JAKMIP2: variants seen among roughly 807,000 people sequenced by gnomAD.
JAKMIP2 encodes janus kinase and microtubule interacting protein 2, also known as janus kinase and microtubule-interacting protein 2.
In JAKMIP2, 25 loss-of-function variants were observed where a neutral mutation model predicts 115.0. That is an observed-to-expected ratio of 0.22 (90% CI 0.16 to 0.30). The LOEUF is 0.30. Ranked by LOEUF, JAKMIP2 falls within the 10% of genes least tolerant of loss-of-function variation. JAKMIP2 has a pLI of 1.00. For missense variants in JAKMIP2, 642 were observed against 957.6 expected (o/e 0.67, Z 4.35); for synonymous variants, 334 against 343.6 (o/e 0.97, Z 0.31).
At chr5:147,623,068 G>A (rs558787447) in intron 17 of JAKMIP2, among the ~76,000 whole-genome samples, 2 of 152,102 alleles carry the variant, frequency 1.3e-5, no homozygotes, top group African/African-American at 2.4e-5. Context: ...CCACAGGCAC[G>A]TACCACTATG....
chr5:147,680,879 C>G (rs1580771110), intron 1 of JAKMIP2, among the ~76,000 whole-genome samples: 1 of 152,104 alleles, frequency 6.6e-6, no homozygotes, highest in East Asian at 1.9e-4. Context: ...AAGTTTTAAT[C>G]CATTACATGT....
At chr5:147,623,850 T>C (rs1387423794) in intron 16 of JAKMIP2, among the ~76,000 whole-genome samples, 161 bp from the exon 17 acceptor site, 4 of 152,208 alleles carry the variant, frequency 2.6e-5, no homozygotes, top group Admixed American at 2.0e-4. Flanking sequence ...GTTTGTTTTG[T>C]TTTTGAAACG....
intron 1 of JAKMIP2, among the ~76,000 whole-genome samples, chr5:147,681,661 G>A (rs1760286870): frequency 6.6e-6 from 1 of 152,110 alleles, no homozygotes; most frequent in Admixed American, 6.6e-5. Flanking sequence ...GGAGGAATCA[G>A]CAATTTAATA....
rs2126701859 is a variant in JAKMIP2, at chr5:147,636,202, G to A, written c.1677+20C>T. 6.2e-7 allele frequency: 1 copy of A among 1,603,808 alleles called. No individual in the cohort carries two copies. Among genetic ancestry groups the A allele is most frequent in the Non-Finnish European group, 8.5e-7 (1 of 1,170,744 alleles). On this transcript the variant is annotated intron_variant, in intron 12 of 21. Coordinates refer to ENST00000616793, the MANE Select transcript of JAKMIP2 (RefSeq NM_001270941.2). Reference sequence around the variant, plus strand: ...CATGATTTTCTCCTCTGCCCCGCTAGGGTGTTGTGCCCAACATACCTTTTC... The same window carrying A: ...CATGATTTTCTCCTCTGCCCCGCTAAGGTGTTGTGCCCAACATACCTTTTC...
chr5:147,598,198 A>T (rs1392975574), intron 21 of JAKMIP2, among the ~76,000 whole-genome samples: 2 of 151,966 alleles, frequency 1.3e-5, no homozygotes, highest in African/African-American at 4.8e-5. Context: ...ACGCGGTTTC[A>T]CCATATTGGC....
chr5:147,640,208 CA>C (rs2126714799), intron 9 of JAKMIP2, among the ~76,000 whole-genome samples: 1 of 152,246 alleles, frequency 6.6e-6, no homozygotes, highest in Admixed American at 6.5e-5. Context: ...TCTTAAACTT[CA>C]GGACATAACA....
chr5:147,734,530 T>A (rs2126978084), intron 1 of JAKMIP2, among the ~76,000 whole-genome samples: 1 of 151,726 alleles, frequency 6.6e-6, no homozygotes, highest in African/African-American at 2.4e-5. Context: ...AGGGACAGCA[T>A]TAGGAGAAAT....
At chr5:147,628,892 T>G in intron 15 of JAKMIP2, 76 bp from the exon 16 acceptor site, 1 of 1,003,148 alleles carries the variant, frequency 1.0e-6, no homozygotes, top group South Asian at 1.3e-5. Flanking sequence ...TCTGACTGAC[T>G]GCTACAGAGC....
At chr5:147,733,191 G>T (rs2126974350) in intron 1 of JAKMIP2, among the ~76,000 whole-genome samples, 1 of 152,278 alleles carries the variant, frequency 6.6e-6, no homozygotes, top group Non-Finnish European at 1.5e-5. Context: ...ACAAAAAATA[G>T]ACAAAAATGT....
At chr5:147,625,488 G>A (rs1303475841) in intron 16 of JAKMIP2, among the ~76,000 whole-genome samples, 1 of 152,122 alleles carries the variant, frequency 6.6e-6, no homozygotes, top group African/African-American at 2.4e-5. Context: ...ACAAATTTCT[G>A]TCAATCATGG....
chr5:147,723,508 C>G (rs1753398554), intron 1 of JAKMIP2, among the ~76,000 whole-genome samples: 1 of 152,084 alleles, frequency 6.6e-6, no homozygotes, highest in South Asian at 2.1e-4. Flanking sequence ...AGATTGGTTA[C>G]TTTTCAAAGA....
At chr5:147,675,710 TGTTTTGTCTCTACTTA>T (rs1326573239) in intron 1 of JAKMIP2, among the ~76,000 whole-genome samples, 1 of 152,032 alleles carries the variant, frequency 6.6e-6, no homozygotes, top group African/African-American at 2.4e-5. Flanking sequence ...GTCTATTTAG[TGTTTTGTCTCTACTTA>T]GTTTTGTCTC....
intron 1 of JAKMIP2, among the ~76,000 whole-genome samples, chr5:147,750,989 A>C (rs1754531022): frequency 6.6e-6 from 1 of 152,168 alleles, no homozygotes; most frequent in South Asian, 2.1e-4. Flanking sequence ...CCCAAGTAGA[A>C]TCATCCACTA....
chr5:147,672,143 A>T (rs754305062), intron 1 of JAKMIP2, among the ~76,000 whole-genome samples, 189 bp from the exon 2 acceptor site: 5 of 152,062 alleles, frequency 3.3e-5, no homozygotes, highest in African/African-American at 4.8e-5. Flanking sequence ...AATTATATCA[A>T]TATCTTGCTT....
At chr5:147,679,286 C>T (rs1760137345) in intron 1 of JAKMIP2, among the ~76,000 whole-genome samples, 1 of 152,118 alleles carries the variant, frequency 6.6e-6, no homozygotes, top group African/African-American at 2.4e-5. Flanking sequence ...CAGCCTCCAA[C>T]TACATTTTCT....
At chr5:147,608,477 T>C (rs1756145510) in intron 20 of JAKMIP2, among the ~76,000 whole-genome samples, 1 of 152,200 alleles carries the variant, frequency 6.6e-6, no homozygotes, top group Non-Finnish European at 1.5e-5. Flanking sequence ...CATGTAGTTG[T>C]GTGGTTTTAA....
chr5:147,770,714 T>G (rs1051515826), intron 1 of JAKMIP2, among the ~76,000 whole-genome samples: 31 of 152,162 alleles, frequency 2.0e-4, no homozygotes, highest in Non-Finnish European at 8.8e-5. Context: ...AAGAAAATGT[T>G]TACAGTTTAA....
chr5:147,691,397 C>T (rs1188670473), intron 1 of JAKMIP2, among the ~76,000 whole-genome samples: 1 of 152,172 alleles, frequency 6.6e-6, no homozygotes, highest in African/African-American at 2.4e-5. Flanking sequence ...TTTGGATGAA[C>T]TATGCTAGGC....
chr5:147,690,087 C>T (rs1024706830), intron 1 of JAKMIP2, among the ~76,000 whole-genome samples: 1 of 152,134 alleles, frequency 6.6e-6, no homozygotes, highest in Non-Finnish European at 1.5e-5. Flanking sequence ...CAGTGGCTCA[C>T]ACCAGTAATC....
Sources: gnomAD v4.1 joint callset for allele counts (sites outside exome capture counted in the v4.1 genomes callset) on GRCh38, gnomAD v4.1.1 for gene constraint, MANE v1.5 for transcripts, NCBI Gene and HGNC (gene_info 2026-07-23, HGNC 2026-07-21) for gene names.